RUNDC3B: variants seen among roughly 807,000 people sequenced by gnomAD.
RUNDC3B encodes RUN domain-containing protein 3B.
RUNDC3B carries 33 observed loss-of-function variants against 58.4 expected under a neutral mutation model. The ratio of observed to expected loss-of-function variants is 0.56; its 90% confidence interval spans 0.43 to 0.75. The LOEUF (loss-of-function observed/expected upper bound fraction) is 0.75, where lower values mean the gene tolerates loss of function less well. Ranked by LOEUF, RUNDC3B falls within the 30% of genes least tolerant of loss-of-function variation. The pLI, the probability that RUNDC3B is intolerant of heterozygous loss-of-function variation, is 0.00. For synonymous variants in RUNDC3B, 193 were observed against 195.2 expected, an observed-to-expected ratio of 0.99 and a Z score of 0.10; for missense variants, 501 against 535.7, an observed-to-expected ratio of 0.94 and a Z score of 0.64.
At position 87,750,918 on chromosome 7, in the gene RUNDC3B, C is replaced by T. The variant is rs577531130; in HGVS notation, c.629+9339C>T. 6.6e-5 allele frequency among the ~76,000 whole-genome samples: 10 copies of T among 152,050 alleles called. No individual in the cohort carries two copies. The East Asian group carries it at 1.7e-3, about 26-fold the overall frequency. On this transcript the variant is annotated intron_variant, in intron 6 of 10. Transcript: ENST00000394654. The stretch of plus-strand genomic sequence containing the variant: ...ATTTGTCAATTTTGGCTTTTGTTGC[C>T]ATTGCTTTTGGTGTTTTAGACATGA...
chr7:87,672,391 C>T (rs1215122709), intron 2 of RUNDC3B, among the ~76,000 whole-genome samples: 1 of 152,164 alleles, frequency 6.6e-6, no homozygotes, highest in Admixed American at 6.5e-5. Context: ...CCCACCCCTC[C>T]CCTGGACGCT....
At chr7:87,823,998 A>T (rs936315004) in intron 10 of RUNDC3B, among the ~76,000 whole-genome samples, 1 of 152,186 alleles carries the variant, frequency 6.6e-6, no homozygotes, top group Admixed American at 6.5e-5. Context: ...ACAATAGTGA[A>T]GCAGGAAAAA....
Position 87,669,361 on chromosome 7 carries a change from T to G in RUNDC3B, c.238+18424T>G, listed in dbSNP as rs546321371. Among the ~76,000 whole-genome samples the G allele has an allele frequency of 2.6e-5, 4 of 152,292 alleles. No individual in the cohort carries two copies. In the East Asian group the frequency reaches 7.7e-4, roughly 29 times the overall value. On this transcript the variant is annotated intron_variant, in intron 2 of 10. Transcript: ENST00000394654. ...TCTTTATCTCTTTATTTTGAGCCTA[T>G]GAGTGTCATTACATGTGAGATGGGT... is the stretch of plus-strand genomic sequence containing the variant.
At chr7:87,693,938 A>T (rs1563139226) in intron 2 of RUNDC3B, 2 of 1,611,506 alleles carry the variant, frequency 1.2e-6, no homozygotes, top group Non-Finnish European at 1.7e-6. Context: ...TGGCTGGCTC[A>T]TCTCCAAATA....
chr7:87,715,185 A>G (rs899597422), intron 4 of RUNDC3B, among the ~76,000 whole-genome samples: 1 of 140,532 alleles, frequency 7.1e-6, no homozygotes, highest in African/African-American at 2.6e-5. Context: ...GGGAAATATA[A>G]ATATTATATA....
chr7:87,764,730 ATTC>A (rs1241827643), intron 6 of RUNDC3B, among the ~76,000 whole-genome samples: 1 of 151,838 alleles, frequency 6.6e-6, no homozygotes, highest in African/African-American at 2.4e-5. Context: ...AATTAATTTC[ATTC>A]TTCTTTATGG....
intron 10 of RUNDC3B, among the ~76,000 whole-genome samples, chr7:87,828,842 AAG>A (rs556076169): frequency 3.6e-4 from 55 of 152,248 alleles, no homozygotes; most frequent in African/African-American, 1.3e-3. Context: ...AGTAAATAAA[AAG>A]GGATTAACAA....
At chr7:87,799,378 G>A (rs1835996148) in intron 8 of RUNDC3B, among the ~76,000 whole-genome samples, 1 of 152,076 alleles carries the variant, frequency 6.6e-6, no homozygotes, top group African/African-American at 2.4e-5. Context: ...AGGGAGTCAG[G>A]GGTTAGAGTA....
intron 4 of RUNDC3B, among the ~76,000 whole-genome samples, chr7:87,737,944 C>G (rs1476301133): frequency 6.6e-6 from 1 of 152,002 alleles, no homozygotes; most frequent in Non-Finnish European, 1.5e-5. Context: ...ATTTCTCAAA[C>G]CAGTTAATTT....
chr7:87,807,574 A>G (rs1285439659), intron 9 of RUNDC3B, 55 bp downstream of exon 9: 1 of 1,272,986 alleles, frequency 7.9e-7, no homozygotes, highest in Non-Finnish European at 1.1e-6. Flanking sequence ...ACCAAAACAT[A>G]TGGCTATCTA....
intron 2 of RUNDC3B, among the ~76,000 whole-genome samples, chr7:87,663,907 A>T (rs7790722): frequency 0.1 from 15,918 of 151,802 alleles, 1,044 homozygotes; most frequent in African/African-American, 0.19. Flanking sequence ...CTCTCTGGTG[A>T]CTCTTTGTAT....
chr7:87,784,326 T>C (rs905062783), intron 8 of RUNDC3B, among the ~76,000 whole-genome samples: 2 of 152,202 alleles, frequency 1.3e-5, no homozygotes, highest in African/African-American at 4.8e-5. Flanking sequence ...GCTAATTTTA[T>C]CTCATCTGAG....
chr7:87,696,069 A>G (rs1456684824), intron 2 of RUNDC3B, among the ~76,000 whole-genome samples: 1 of 152,138 alleles, frequency 6.6e-6, no homozygotes, highest in East Asian at 1.9e-4. Context: ...TGGGATGGGA[A>G]TATGTTTTTA....
chr7:87,631,285 G>C (rs1821190740), intron 1 of RUNDC3B, among the ~76,000 whole-genome samples: 1 of 152,170 alleles, frequency 6.6e-6, no homozygotes, highest in African/African-American at 2.4e-5. Context: ...GACAAATTAA[G>C]AAAAATGAAT....
chr7:87,739,428 ACT>A (rs1376215263), intron 4 of RUNDC3B, among the ~76,000 whole-genome samples: 4 of 151,968 alleles, frequency 2.6e-5, no homozygotes, highest in Admixed American at 1.3e-4. Context: ...AATACAGATG[ACT>A]CTGAATTTGC....
chr7:87,706,781 C>T (rs1563149986), intron 3 of RUNDC3B, among the ~76,000 whole-genome samples: 1 of 152,126 alleles, frequency 6.6e-6, no homozygotes, highest in Non-Finnish European at 1.5e-5. Context: ...GACAAATGTG[C>T]CTGGAGTTGT....
intron 6 of RUNDC3B, among the ~76,000 whole-genome samples, chr7:87,752,867 C>G (rs1458563063): frequency 6.6e-6 from 1 of 151,782 alleles, no homozygotes; most frequent in Non-Finnish European, 1.5e-5. Flanking sequence ...TTTTGTGTCT[C>G]TATTTCCTTC....
intron 4 of RUNDC3B, among the ~76,000 whole-genome samples, chr7:87,731,655 A>C (rs1392733415): frequency 2.0e-5 from 3 of 152,228 alleles, no homozygotes; most frequent in Admixed American, 2.0e-4. Flanking sequence ...TAAGACAAAG[A>C]CTATAAAAAG....
chr7:87,634,279 T>TG (rs1372879399), intron 1 of RUNDC3B, among the ~76,000 whole-genome samples: 1 of 152,106 alleles, frequency 6.6e-6, no homozygotes, highest in African/African-American at 2.4e-5. Flanking sequence ...TGTCATTTGA[T>TG]GGGGGCAGAC....
Sources: gnomAD v4.1 joint callset for allele counts (sites outside exome capture counted in the v4.1 genomes callset) on GRCh38, gnomAD v4.1.1 for gene constraint, MANE v1.5 for transcripts, NCBI Gene and HGNC (gene_info 2026-07-23, HGNC 2026-07-21) for gene names.